EYA4: variants seen among roughly 807,000 people sequenced by gnomAD.
The protein encoded by EYA4 is protein phosphatase EYA4.
In EYA4, 31 loss-of-function variants were observed where a neutral mutation model predicts 87.9. The ratio of observed to expected loss-of-function variants is 0.35; its 90% CI spans 0.27 to 0.48. EYA4 has a LOEUF of 0.48. Among genes scored for constraint, EYA4 ranks in the 20% least tolerant of loss-of-function variants. The pLI is 0.99. For missense variants in EYA4, 678 were observed against 761.4 expected, an observed-to-expected ratio of 0.89 and a Z score of 1.29; for synonymous variants, 263 against 270.6, an observed-to-expected ratio of 0.97 and a Z score of 0.28.
chr6:133,504,292 A>G (rs866247886), intron 13 of EYA4, among the ~76,000 whole-genome samples: 1 of 152,294 alleles, frequency 6.6e-6, no homozygotes, highest in Middle Eastern at 3.4e-3. Flanking sequence ...ATCTTTGGGT[A>G]TATAGTCCCA....
At chr6:133,250,383 TG>T (rs1488609634) in intron 1 of EYA4, among the ~76,000 whole-genome samples, 4 of 152,106 alleles carry the variant, frequency 2.6e-5, no homozygotes, top group Non-Finnish European at 5.9e-5. Flanking sequence ...GGCTCACACT[TG>T]TAATCCCAGC....
At chr6:133,436,855 A>G (rs1193516802) in intron 3 of EYA4, among the ~76,000 whole-genome samples, 1 of 152,232 alleles carries the variant, frequency 6.6e-6, no homozygotes, top group Admixed American at 6.5e-5. Flanking sequence ...AAGCAGGATC[A>G]TGACTCATTA....
intron 2 of EYA4, among the ~76,000 whole-genome samples, chr6:133,356,716 A>G (rs1364648293): frequency 6.6e-6 from 1 of 151,124 alleles, no homozygotes; most frequent in Non-Finnish European, 1.5e-5. Context: ...TTTACTATCT[A>G]TTAGCATTTG....
At chr6:133,259,614 G>A (rs1775628493) in intron 1 of EYA4, among the ~76,000 whole-genome samples, 1 of 152,130 alleles carries the variant, frequency 6.6e-6, no homozygotes, top group African/African-American at 2.4e-5. Flanking sequence ...TTCCTCAAGT[G>A]TCCCAAATTT....
In EYA4 at chr6:133,293,943, T is replaced by A. The variant is rs1054469483; in HGVS notation, c.33+19130T>A. Among the ~76,000 whole-genome samples the A allele has an allele frequency of 7.3e-4, 101 of 137,800 alleles. 1 individual carries two copies. The highest frequency in any genetic ancestry group is 2.8e-3 in the African/African-American group (99 of 35,868). The allele number at this position is 137,800 out of a possible 152,430, so 90.4% of individuals were successfully genotyped here. A position where few individuals can be genotyped will look rare whatever the true frequency, so the allele number is the denominator to read the frequency against. ...CTCCATCCTCGGAGACAGGAATGTT[T>A]TATATATATAAATATAGATATTATT... On this transcript the variant is annotated intron_variant, in intron 2 of 19. Transcript: ENST00000355286.
Position 133,284,256 on chromosome 6 carries a change from G to T in EYA4, c.33+9443G>T, listed in dbSNP as rs374373302. Among the ~76,000 whole-genome samples, 44 of 152,226 alleles carry T rather than the reference G, an allele frequency of 2.9e-4. No individual in the cohort carries two copies. The South Asian group carries it at 9.1e-3, about 32-fold the overall frequency. On this transcript the variant is annotated intron_variant, in intron 2 of 19. Coordinates refer to ENST00000355286, the MANE Select transcript of EYA4 (RefSeq NM_004100.5). ...CATATCTCGGCTCACTGCAACCTCT[G>T]CCTCCTGAGTTAAGTGATTCTCCTG...
chr6:133,411,642 C>T (rs1311296206), intron 3 of EYA4, among the ~76,000 whole-genome samples: 10 of 152,000 alleles, frequency 6.6e-5, no homozygotes, highest in Admixed American at 6.6e-4. Context: ...TTTTTAAAAA[C>T]TCTACATTAT....
chr6:133,469,809 AAC>A (rs1795171599), intron 11 of EYA4, among the ~76,000 whole-genome samples: 1 of 152,078 alleles, frequency 6.6e-6, no homozygotes, highest in African/African-American at 2.4e-5. Context: ...TGACATTAAA[AAC>A]ACAATTCATA....
At chr6:133,349,680 G>T (rs1019862123) in intron 2 of EYA4, among the ~76,000 whole-genome samples, 1 of 152,096 alleles carries the variant, frequency 6.6e-6, no homozygotes, top group Non-Finnish European at 1.5e-5. Flanking sequence ...ATAGGAATGT[G>T]GGGGCTGTAA....
intron 13 of EYA4, among the ~76,000 whole-genome samples, chr6:133,502,101 G>A (rs1014335692): frequency 2.6e-5 from 4 of 151,002 alleles, no homozygotes; most frequent in South Asian, 2.1e-4. Context: ...TCAGTAAAAT[G>A]TCTGGGGAAT....
At chr6:133,275,154 T>G (rs913608412) in intron 2 of EYA4, among the ~76,000 whole-genome samples, 2 of 152,194 alleles carry the variant, frequency 1.3e-5, no homozygotes, top group African/African-American at 4.8e-5. Context: ...TTGTTGAATA[T>G]CAGAAGTATA....
chr6:133,367,508 A>G (rs1562337178), intron 2 of EYA4, among the ~76,000 whole-genome samples: 1 of 152,238 alleles, frequency 6.6e-6, no homozygotes, highest in Non-Finnish European at 1.5e-5. Flanking sequence ...CATGCATCCA[A>G]CAAATACCAG....
intron 1 of EYA4, among the ~76,000 whole-genome samples, chr6:133,250,364 G>C (rs969207967): frequency 1.3e-5 from 2 of 152,100 alleles, no homozygotes; most frequent in African/African-American, 2.4e-5. Flanking sequence ...TATGGGGGCT[G>C]GGCGCGGTGG....
intron 3 of EYA4, among the ~76,000 whole-genome samples, chr6:133,388,522 T>C (rs1786971182): frequency 6.6e-6 from 1 of 152,200 alleles, no homozygotes; most frequent in South Asian, 2.1e-4. Context: ...CTTATCTTTA[T>C]TGGCCAGTGT....
intron 2 of EYA4, among the ~76,000 whole-genome samples, chr6:133,312,990 G>T (rs1213519540): frequency 6.6e-6 from 1 of 151,922 alleles, no homozygotes. Context: ...TTAAGTGTAG[G>T]TGTATCCACA....
chr6:133,431,026 G>A (rs1791133919), intron 3 of EYA4, among the ~76,000 whole-genome samples: 1 of 152,172 alleles, frequency 6.6e-6, no homozygotes. Flanking sequence ...TGGGAGAACT[G>A]TGTTCCTGGG....
chr6:133,281,979 A>G (rs1284689063), intron 2 of EYA4, among the ~76,000 whole-genome samples: 1 of 151,984 alleles, frequency 6.6e-6, no homozygotes, highest in African/African-American at 2.4e-5. Context: ...ATAGTATCCC[A>G]TGGTGTATAT....
chr6:133,295,999 A>C lies in EYA4; in HGVS notation c.33+21186A>C, dbSNP rs78912360. On this transcript the variant is annotated intron_variant, in intron 2 of 19. Coordinates refer to ENST00000355286, the MANE Select transcript of EYA4 (RefSeq NM_004100.5). The stretch of plus-strand genomic sequence containing the variant: ...GTGTAACAGGATCGAAAGTGATGGT[A>C]CAAGAGGTATTTGTACTGTATTGCT... Among the ~76,000 whole-genome samples, 980 of 152,328 alleles carry C rather than the reference A, an allele frequency of 6.4e-3. 8 individuals are homozygous for C. Among genetic ancestry groups the C allele is most frequent in the African/African-American group, 0.021 (882 of 41,576 alleles).
At chr6:133,308,531 TTCTC>T (rs2128327122) in intron 2 of EYA4, among the ~76,000 whole-genome samples, 1 of 152,342 alleles carries the variant, frequency 6.6e-6, no homozygotes, top group African/African-American at 2.4e-5. Flanking sequence ...TTTTCAATCA[TTCTC>T]TCTCCCTCCT....
Sources: allele counts gnomAD v4.1 joint callset (sites outside exome capture counted in the v4.1 genomes callset), GRCh38; gene constraint gnomAD v4.1.1; transcripts MANE v1.5; gene names NCBI Gene and HGNC (gene_info 2026-07-23, HGNC 2026-07-21).